The following TESK2 variants were observed in gnomAD, a reference collection of about 807,000 sequenced individuals.
TESK2 encodes dual specificity testis-specific protein kinase 2.
In TESK2, 39 loss-of-function variants were observed where a neutral mutation model predicts 57.1. That is an observed-to-expected ratio of 0.68 (90% CI 0.53 to 0.89). The LOEUF is 0.89. TESK2 is among the 40% of genes least tolerant of loss of function. TESK2 has a pLI of 0.00. For synonymous variants in TESK2, 249 were observed against 267.9 expected (o/e 0.93, Z 0.69); for missense variants, 646 against 732.1 (o/e 0.88, Z 1.36).
intron 4 of TESK2, among the ~76,000 whole-genome samples, chr1:45,364,353 G>A (rs1031455943): frequency 7.9e-5 from 12 of 152,166 alleles, no homozygotes; most frequent in African/African-American, 2.9e-4. Flanking sequence ...CAGGGAAAAT[G>A]TCATGTTAAG....
chr1:45,354,100 G>A (rs1359571333), intron 5 of TESK2, among the ~76,000 whole-genome samples: 1 of 152,206 alleles, frequency 6.6e-6, no homozygotes, highest in East Asian at 1.9e-4. Context: ...TGCCTTGACT[G>A]CTGTCATTCC....
At chr1:45,416,289 A>AG (rs1650239693) in intron 3 of TESK2, among the ~76,000 whole-genome samples, 1 of 151,334 alleles carries the variant, frequency 6.6e-6, no homozygotes. Flanking sequence ...TTTTCTCTAC[A>AG]AAAACCATGT....
intron 3 of TESK2, among the ~76,000 whole-genome samples, chr1:45,405,757 GC>G (rs1322398602): frequency 6.6e-6 from 1 of 151,662 alleles, no homozygotes; most frequent in Non-Finnish European, 1.5e-5. Flanking sequence ...TGTAGTCCCT[GC>G]TACTCGGGAG....
chr1:45,363,785 T>C (rs1647794292), intron 4 of TESK2, among the ~76,000 whole-genome samples: 1 of 151,964 alleles, frequency 6.6e-6, no homozygotes, highest in Non-Finnish European at 1.5e-5. Flanking sequence ...AGATGGGCAG[T>C]ATAATATAGT....
chr1:45,489,651 G>T (rs1314188954), intron 1 of TESK2, among the ~76,000 whole-genome samples: 1 of 152,184 alleles, frequency 6.6e-6, no homozygotes, highest in Non-Finnish European at 1.5e-5. Context: ...TTAGCCGGAC[G>T]TGGTGGCGCA....
chr1:45,407,051 G>A (rs1416466237), intron 3 of TESK2, among the ~76,000 whole-genome samples: 1 of 151,768 alleles, frequency 6.6e-6, no homozygotes, highest in African/African-American at 2.4e-5. Context: ...TGACATTCAG[G>A]GGAAAAAAAT....
At chr1:45,347,199 G>T in intron 7 of TESK2, 137 bp from the exon 8 acceptor site, 2 of 683,454 alleles carry the variant, frequency 2.9e-6, no homozygotes. Context: ...ATCCCAGTCA[G>T]TCACTGGGCA....
chr1:45,443,568 CAAAAAAAAAAAAAAAA>C (rs34128016), intron 2 of TESK2, among the ~76,000 whole-genome samples: 13 of 32,020 alleles, frequency 4.1e-4, no homozygotes, highest in Admixed American at 2.2e-3. Flanking sequence ...AGATCCATCG[CAAAAAAAAAAAAAAAA>C]AAAAAAAAAA....
intron 3 of TESK2, among the ~76,000 whole-genome samples, chr1:45,386,212 G>A (rs1648886485): frequency 1.3e-5 from 2 of 151,976 alleles, no homozygotes; most frequent in Admixed American, 6.6e-5. Flanking sequence ...AGGTGTGGTG[G>A]CATGCGCCTG....
chr1:45,384,604 T>TA (rs1557551505), intron 4 of TESK2, among the ~76,000 whole-genome samples: 9 of 68,326 alleles, frequency 1.3e-4, no homozygotes, highest in Admixed American at 4.1e-4. Flanking sequence ...TTTTTTTTTT[T>TA]TTTTTTTTTT....
chr1:45,449,556 GATTAATTA>G (rs748331191), intron 2 of TESK2, among the ~76,000 whole-genome samples: 1 of 152,166 alleles, frequency 6.6e-6, no homozygotes, highest in East Asian at 1.9e-4. Flanking sequence ...ATGGAGGATA[GATTAATTA>G]ATTAATTAAT....
intron 3 of TESK2, among the ~76,000 whole-genome samples, chr1:45,404,551 T>A (rs866988434): frequency 5.2e-4 from 79 of 151,834 alleles, no homozygotes; most frequent in South Asian, 1.0e-3. Context: ...TTTAATTATT[T>A]TTTTTTTTTT....
At chr1:45,401,482 A>G (rs1290859848) in intron 3 of TESK2, among the ~76,000 whole-genome samples, 1 of 152,112 alleles carries the variant, frequency 6.6e-6, no homozygotes, top group Admixed American at 6.6e-5. Flanking sequence ...GGACCTCCTG[A>G]AGGCTGAATA....
At chr1:45,485,597 C>A (rs968875093) in intron 1 of TESK2, among the ~76,000 whole-genome samples, 1 of 151,052 alleles carries the variant, frequency 6.6e-6, no homozygotes, top group Admixed American at 6.6e-5. Context: ...CGGCTCACTG[C>A]AACCTCCACT....
chr1:45,362,311 C>A (rs1450342070), intron 4 of TESK2, among the ~76,000 whole-genome samples: 1 of 152,174 alleles, frequency 6.6e-6, no homozygotes. Flanking sequence ...TGGTAGGTAC[C>A]AATTCAGGCA....
At chr1:45,448,406 T>G (rs1651733711) in intron 2 of TESK2, among the ~76,000 whole-genome samples, 1 of 151,984 alleles carries the variant, frequency 6.6e-6, no homozygotes, top group African/African-American at 2.4e-5. Context: ...ATACCTGAGA[T>G]CAAGTAATTT....
intron 3 of TESK2, among the ~76,000 whole-genome samples, chr1:45,397,679 T>C (rs1246829962): frequency 6.6e-6 from 1 of 152,180 alleles, no homozygotes; most frequent in African/African-American, 2.4e-5. Context: ...ACCACCTGCA[T>C]TCTCTATGTT....
At chr1:45,473,901 A>C (rs996153511) in intron 1 of TESK2, among the ~76,000 whole-genome samples, 4 of 151,824 alleles carry the variant, frequency 2.6e-5, no homozygotes, top group African/African-American at 9.7e-5. Context: ...AGGCTCAAAC[A>C]ATCCTCCCGC....
chr1:45,396,972 C>T (rs1231528428), intron 3 of TESK2, among the ~76,000 whole-genome samples: 1 of 151,810 alleles, frequency 6.6e-6, no homozygotes, highest in East Asian at 1.9e-4. Context: ...GCGTGCACCA[C>T]CATGCCTGAC....
Sources: allele counts gnomAD v4.1 joint callset (sites outside exome capture counted in the v4.1 genomes callset), GRCh38; gene constraint gnomAD v4.1.1; transcripts MANE v1.5; gene names NCBI Gene and HGNC (gene_info 2026-07-23, HGNC 2026-07-21).